The following AKT3 variants were observed in gnomAD, a reference collection of about 807,000 sequenced individuals.
The protein encoded by AKT3 is AKT serine/threonine kinase 3.
Under a neutral mutation model 65.3 loss-of-function variants are expected in AKT3, and 15 were observed. The observed-to-expected ratio is 0.23, with a 90% CI of 0.15 to 0.35. AKT3 has a LOEUF of 0.35. AKT3 is among the 10% of genes least tolerant of loss of function. The probability of loss-of-function intolerance (pLI) is 1.00; values close to 1 mark genes in which losing one functional copy is unlikely to be tolerated. For missense variants in AKT3, 243 were observed against 576.5 expected (o/e 0.42, Z 5.92); for synonymous variants, 206 against 183.8 (o/e 1.12, Z -0.98).
At chr1:243,564,899 T>A (rs563402167) in intron 9 of AKT3, among the ~76,000 whole-genome samples, 3 of 152,180 alleles carry the variant, frequency 2.0e-5, no homozygotes, top group Admixed American at 6.5e-5. Flanking sequence ...TGAAAGAATG[T>A]ACCTGGACTC....
chr1:243,515,538 G>A (rs765297235), intron 12 of AKT3, among the ~76,000 whole-genome samples: 1 of 152,082 alleles, frequency 6.6e-6, no homozygotes, highest in Non-Finnish European at 1.5e-5. Context: ...GTGAACTATA[G>A]TGATTGGTTT....
intron 2 of AKT3, among the ~76,000 whole-genome samples, chr1:243,715,339 T>C (rs1183797256): frequency 6.6e-6 from 1 of 152,144 alleles, no homozygotes; most frequent in African/African-American, 2.4e-5. Context: ...TATTGGGCCA[T>C]ATGACCAATT....
intron 2 of AKT3, among the ~76,000 whole-genome samples, chr1:243,751,610 G>T (rs998719746): frequency 6.6e-6 from 1 of 152,146 alleles, no homozygotes. Flanking sequence ...ATTGTTGTGG[G>T]GAGAGGGGCA....
chr1:243,513,357 G>C (rs1670141733), intron 12 of AKT3, among the ~76,000 whole-genome samples: 1 of 152,148 alleles, frequency 6.6e-6, no homozygotes, highest in South Asian at 2.1e-4. Flanking sequence ...ATTCAGAACA[G>C]GGGATGCTGC....
intron 12 of AKT3, among the ~76,000 whole-genome samples, chr1:243,525,685 G>C (rs181147081): frequency 2.1e-4 from 28 of 136,292 alleles, no homozygotes; most frequent in Non-Finnish European, 3.4e-4. Flanking sequence ...TACCAGCAGA[G>C]ATTATTATCC....
intron 2 of AKT3, among the ~76,000 whole-genome samples, chr1:243,829,855 A>C (rs1694391984): frequency 6.6e-6 from 1 of 152,234 alleles, no homozygotes; most frequent in Non-Finnish European, 1.5e-5. Flanking sequence ...ACTGAGAAAA[A>C]GTGGCTACAG....
At chr1:243,798,939 T>C (rs1366126078) in intron 2 of AKT3, among the ~76,000 whole-genome samples, 4 of 152,238 alleles carry the variant, frequency 2.6e-5, no homozygotes, top group Non-Finnish European at 4.4e-5. Flanking sequence ...ACTTAAATTC[T>C]GTTCATCGCT....
intron 9 of AKT3, among the ~76,000 whole-genome samples, chr1:243,564,758 C>A (rs1319837420): frequency 6.6e-6 from 1 of 152,110 alleles, no homozygotes; most frequent in African/African-American, 2.4e-5. Context: ...CATGTAGACA[C>A]AACCTAAAGG....
At chr1:243,791,629 C>T (rs998656905) in intron 2 of AKT3, among the ~76,000 whole-genome samples, 7 of 152,106 alleles carry the variant, frequency 4.6e-5, no homozygotes, top group African/African-American at 1.7e-4. Flanking sequence ...TTAAATGAGA[C>T]GAAGGATAAA....
rs889313278 is a variant in AKT3 at position 243,785,213 on chromosome 1, C to T, written c.46+57912G>A. Among the ~76,000 whole-genome samples the T allele has an allele frequency of 1.1e-4, 17 of 151,772 alleles. No individual in the cohort carries two copies. The East Asian group carries it at 1.7e-3, about 16-fold the overall frequency. On this transcript the variant is annotated intron_variant, in intron 2 of 13. Coordinates refer to ENST00000673466, the MANE Select transcript of AKT3 (RefSeq NM_005465.7). ...AGGTGTGAGTAGCTGGGACTACAGG[C>T]GCCAGCCACCATGCCCAGCTAATTT... is the stretch of plus-strand genomic sequence containing the variant.
intron 5 of AKT3, among the ~76,000 whole-genome samples, chr1:243,642,822 G>T (rs1332524708): frequency 6.6e-6 from 1 of 152,082 alleles, no homozygotes; most frequent in Non-Finnish European, 1.5e-5. Flanking sequence ...CAGAATATAA[G>T]ACACTGTCTA....
At chr1:243,832,705 T>C (rs1179298957) in intron 2 of AKT3, among the ~76,000 whole-genome samples, 1 of 152,142 alleles carries the variant, frequency 6.6e-6, no homozygotes, top group Non-Finnish European at 1.5e-5. Context: ...CAGAAAGTCT[T>C]ACTAGTTTGA....
chr1:243,493,899 T>C (rs6429427), intron 13 of AKT3, among the ~76,000 whole-genome samples: 5,335 of 146,406 alleles, frequency 0.036, 328 homozygotes, highest in African/African-American at 0.13. Flanking sequence ...AGAAGGGAGG[T>C]TCTAGAAAAG....
intron 6 of AKT3, among the ~76,000 whole-genome samples, chr1:243,623,459 G>C (rs1275389160): frequency 1.3e-5 from 2 of 152,082 alleles, no homozygotes; most frequent in Non-Finnish European, 2.9e-5. Context: ...TGAATTGATG[G>C]ACTGAGTGAG....
downstream of AKT3, among the ~76,000 whole-genome samples, chr1:243,499,218 C>T (rs966043124): frequency 1.3e-5 from 2 of 152,210 alleles, no homozygotes; most frequent in African/African-American, 4.8e-5. Flanking sequence ...TACACCCAAT[C>T]CCCTCTTCCA....
At chr1:243,813,913 T>C (rs1297171844) in intron 2 of AKT3, among the ~76,000 whole-genome samples, 3 of 151,984 alleles carry the variant, frequency 2.0e-5, no homozygotes, top group African/African-American at 7.3e-5. Context: ...AAGATTAGCC[T>C]GGACAATCTA....
At chr1:243,606,475 C>T (rs72761624) in intron 8 of AKT3, among the ~76,000 whole-genome samples, 1,782 of 152,276 alleles carry the variant, frequency 0.012, 20 homozygotes, top group Non-Finnish European at 0.013. Flanking sequence ...GCATTTTGCC[C>T]CTGCCCTAGA....
intron 2 of AKT3, among the ~76,000 whole-genome samples, chr1:243,806,552 A>G (rs1423504262): frequency 1.3e-5 from 2 of 152,350 alleles, no homozygotes; most frequent in Admixed American, 6.5e-5. Flanking sequence ...CTTTACATGC[A>G]TATGTGTCTT....
At chr1:243,748,231 A>G (rs1688597387) in intron 2 of AKT3, among the ~76,000 whole-genome samples, 1 of 152,188 alleles carries the variant, frequency 6.6e-6, no homozygotes, top group Non-Finnish European at 1.5e-5. Flanking sequence ...TGAAAGAACC[A>G]AGTTGTAAAA....
Sources: gnomAD v4.1 joint callset for allele counts (sites outside exome capture counted in the v4.1 genomes callset) on GRCh38, gnomAD v4.1.1 for gene constraint, MANE v1.5 for transcripts, NCBI Gene and HGNC (gene_info 2026-07-23, HGNC 2026-07-21) for gene names.